Variants in INPP5A observed in about 807,000 individuals in gnomAD.
The protein encoded by INPP5A is inositol polyphosphate-5-phosphatase A, also known as 43 kDa inositol polyphosphate 5-phophatase.
Under a neutral mutation model 65.2 loss-of-function variants are expected in INPP5A, and 14 were observed. The observed-to-expected ratio is 0.21, with a 90% confidence interval of 0.14 to 0.34. INPP5A has a LOEUF of 0.34. Ranked by LOEUF, INPP5A falls within the 10% of genes least tolerant of loss-of-function variation. INPP5A has a pLI of 1.00. For missense variants in INPP5A, 431 were observed against 545.6 expected (o/e 0.79, Z 2.09); for synonymous variants, 207 against 208.3 (o/e 0.99, Z 0.05).
At chr10:132,700,734 C>T (rs1845423484) in intron 6 of INPP5A, among the ~76,000 whole-genome samples, 1 of 152,252 alleles carries the variant, frequency 6.6e-6, no homozygotes, top group East Asian at 1.9e-4. Flanking sequence ...ACTGATTTCT[C>T]TTTCTTTTAT....
At position 132,603,942 on chromosome 10, in the gene INPP5A, T is replaced by C. The variant is rs1460611415; in HGVS notation, c.76-3973T>C. Among the ~76,000 whole-genome samples, 2 of 151,000 alleles carry C rather than the reference T, an allele frequency of 1.3e-5. No homozygotes were observed. The highest frequency in any genetic ancestry group is 3.0e-5 in the Non-Finnish European group (2 of 67,764). On this transcript the variant is annotated intron_variant, in intron 1 of 15. Transcript: ENST00000368594. The surrounding 1 kb of genome is among the most constrained non-coding windows in gnomAD (Gnocchi z 4.2). ...CCCCTCTCCGTCCAGCCCTGCGCCG[T>C]CAAGGTCCCCTCTCCGTCCCGCCCT...
chr10:132,655,315 C>T (rs1312350053), intron 4 of INPP5A, among the ~76,000 whole-genome samples: 1 of 152,212 alleles, frequency 6.6e-6, no homozygotes, highest in Non-Finnish European at 1.5e-5. Flanking sequence ...CTAGCCCCGC[C>T]GTGGAGGTCT....
At chr10:132,540,269 C>T (rs1004232377) in intron 1 of INPP5A, among the ~76,000 whole-genome samples, 1 of 151,482 alleles carries the variant, frequency 6.6e-6, no homozygotes, top group Non-Finnish European at 1.5e-5. Context: ...CAATTGTATA[C>T]ACGTATTTAT....
intron 2 of INPP5A, among the ~76,000 whole-genome samples, chr10:132,630,564 A>G (rs1307574258): frequency 1.9e-4 from 7 of 35,934 alleles, no homozygotes; most frequent in Admixed American, 3.4e-4. Context: ...AGGGGAAGAC[A>G]TCCATGAGAG....
intron 3 of INPP5A, among the ~76,000 whole-genome samples, chr10:132,646,597 G>A (rs945516630): frequency 6.6e-6 from 1 of 152,210 alleles, no homozygotes; most frequent in Non-Finnish European, 1.5e-5. Flanking sequence ...CGAGGCCGCA[G>A]CCGTGAAGCC....
At chr10:132,763,692 A>C (rs1188614562) in intron 11 of INPP5A, among the ~76,000 whole-genome samples, 1 of 149,452 alleles carries the variant, frequency 6.7e-6, no homozygotes, top group African/African-American at 2.5e-5. Context: ...CCTGCATGCA[A>C]ACACACACAT....
Position 132,674,729 on chromosome 10 carries a change from C to T in INPP5A, c.307-15663C>T, listed in dbSNP as rs554150304. Among the ~76,000 whole-genome samples, 2 of 152,278 alleles carry T rather than the reference C, an allele frequency of 1.3e-5. No homozygotes were observed. The highest frequency in any genetic ancestry group is 4.2e-4 in the South Asian group (2 of 4,814). On this transcript the variant is annotated intron_variant, in intron 4 of 15. Coordinates refer to ENST00000368594, the MANE Select transcript of INPP5A (RefSeq NM_005539.5). This position sits in a 1 kb window ranked among gnomAD's most constrained non-coding sequence, Gnocchi z 4.4. ...ATGGCTAGATGGGTCAGAAAGCACCCAGTTCATGACATGCAGTTCAGGTCA... is the reference window on the plus strand; with the variant it reads ...ATGGCTAGATGGGTCAGAAAGCACCTAGTTCATGACATGCAGTTCAGGTCA...
chr10:132,643,143 G>T (rs535712603), intron 2 of INPP5A, among the ~76,000 whole-genome samples: 33 of 152,184 alleles, frequency 2.2e-4, no homozygotes, highest in Middle Eastern at 3.4e-3. Context: ...AATATAGGGG[G>T]GTTTTTTTCT....
At chr10:132,756,531 T>C (rs1454473365) in intron 11 of INPP5A, among the ~76,000 whole-genome samples, 1 of 152,230 alleles carries the variant, frequency 6.6e-6, no homozygotes, top group Non-Finnish European at 1.5e-5. Context: ...CGCTGTGTGA[T>C]GTAACTGTTG....
chr10:132,616,033 G>C lies in INPP5A; in HGVS notation c.117+8077G>C, dbSNP rs936946739. 6.6e-6 allele frequency among the ~76,000 whole-genome samples: 1 copy of C among 152,204 alleles called. No individual in the cohort carries two copies. Among genetic ancestry groups the C allele is most frequent in the South Asian group, 2.1e-4 (1 of 4,826 alleles). On this transcript the variant is annotated intron_variant, in intron 2 of 15. Coordinates refer to ENST00000368594, the MANE Select transcript of INPP5A (RefSeq NM_005539.5). This position sits in a 1 kb window ranked among gnomAD's most constrained non-coding sequence, Gnocchi z 4.9. ...ATGGGCTTCACCCTCTGTAGCTGCC[G>C]GTTCCGGGTCCTGTGGGGAGCGGTG...
At chr10:132,632,536 C>T (rs183165187) in intron 2 of INPP5A, among the ~76,000 whole-genome samples, 356 of 152,284 alleles carry the variant, frequency 2.3e-3, no homozygotes, top group Middle Eastern at 0.01. Flanking sequence ...CCAGAATTCC[C>T]GCCAGGAAGG....
At chr10:132,713,152 ATGTG>A (rs537604706) in intron 8 of INPP5A, among the ~76,000 whole-genome samples, 4 of 146,446 alleles carry the variant, frequency 2.7e-5, no homozygotes, top group Middle Eastern at 3.7e-3. Context: ...GTGCATGTGT[ATGTG>A]TGTGTGCGGG....
At chr10:132,661,462 G>C (rs1418485800) in intron 4 of INPP5A, among the ~76,000 whole-genome samples, 1 of 152,144 alleles carries the variant, frequency 6.6e-6, no homozygotes, top group Non-Finnish European at 1.5e-5. Flanking sequence ...AAATATTTAG[G>C]AATAAATTAG....
intron 11 of INPP5A, among the ~76,000 whole-genome samples, chr10:132,750,633 C>T (rs570935701): frequency 1.5e-4 from 23 of 152,364 alleles, no homozygotes; most frequent in Non-Finnish European, 2.8e-4. Flanking sequence ...CCAGGAATCA[C>T]GCAGCAGCTG....
chr10:132,555,563 C>T lies in INPP5A; in HGVS notation c.75+17392C>T, dbSNP rs1457040438. Among the ~76,000 whole-genome samples, 1 of 152,080 alleles carries T rather than the reference C, an allele frequency of 6.6e-6. No individual in the cohort carries two copies. Among genetic ancestry groups the T allele is most frequent in the African/African-American group, 2.4e-5 (1 of 41,386 alleles). ...ACCAGGAGCCTCTGGACAGTGGGGC[C>T]GTCCTGACTCGCCTCCTGAGAGCCG... On this transcript the variant is annotated intron_variant, in intron 1 of 15. Coordinates refer to ENST00000368594, the MANE Select transcript of INPP5A (RefSeq NM_005539.5). The surrounding 1 kb of genome is among the most constrained non-coding windows in gnomAD (Gnocchi z 4.4).
rs1310821238 is a variant in INPP5A, at chr10:132,575,300, G to T, written c.76-32615G>T. The stretch of plus-strand genomic sequence containing the variant: ...ACACCTGGTTTCTGCCTGAGGGAGG[G>T]ATTGGTCCTCTTACCTGATGTGTAG... On this transcript the variant is annotated intron_variant, in intron 1 of 15. Coordinates refer to ENST00000368594, the MANE Select transcript of INPP5A (RefSeq NM_005539.5). The surrounding 1 kb of genome is among the most constrained non-coding windows in gnomAD (Gnocchi z 5.4). Among the ~76,000 whole-genome samples the T allele has an allele frequency of 6.6e-6, 1 of 152,234 alleles. No individual in the cohort carries two copies. Among genetic ancestry groups the T allele is most frequent in the African/African-American group, 2.4e-5 (1 of 41,534 alleles).
At chr10:132,755,039 T>C (rs766735517) in intron 11 of INPP5A, among the ~76,000 whole-genome samples, 4 of 144,402 alleles carry the variant, frequency 2.8e-5, no homozygotes, top group Non-Finnish European at 6.1e-5. Flanking sequence ...GTGTGTGTGA[T>C]CGTATGCATG....
At chr10:132,773,410 C>T (rs752046671) in intron 12 of INPP5A, among the ~76,000 whole-genome samples, 13 of 152,148 alleles carry the variant, frequency 8.5e-5, no homozygotes, top group Non-Finnish European at 1.6e-4. Flanking sequence ...GAATGAACTG[C>T]GCAGACAAGT....
intron 2 of INPP5A, among the ~76,000 whole-genome samples, chr10:132,617,086 TC>T (rs2072045721): frequency 6.6e-6 from 1 of 152,132 alleles, no homozygotes; most frequent in Non-Finnish European, 1.5e-5. Context: ...GCAGGCTCTC[TC>T]TCCCTCCATC....
Sources: allele counts gnomAD v4.1 joint callset (sites outside exome capture counted in the v4.1 genomes callset), GRCh38; gene constraint gnomAD v4.1.1; non-coding constraint Gnocchi (gnomAD v3.1); transcripts MANE v1.5; gene names NCBI Gene and HGNC (gene_info 2026-07-23, HGNC 2026-07-21).